CAMKMT: variants seen among roughly 807,000 people sequenced by gnomAD.
CAMKMT encodes the protein calmodulin-lysine N-methyltransferase.
Under a neutral mutation model 48.0 loss-of-function variants are expected in CAMKMT, and 53 were observed. The ratio of observed to expected loss-of-function variants is 1.10; its 90% confidence interval spans 0.89 to 1.39. The LOEUF (loss-of-function observed/expected upper bound fraction) is 1.39. CAMKMT is among the 40% of genes most tolerant of loss of function. CAMKMT has a pLI of 0.00. For missense variants in CAMKMT, 428 were observed against 402.7 expected (o/e 1.06, Z -0.54); for synonymous variants, 165 against 152.3 (o/e 1.08, Z -0.61).
intron 3 of CAMKMT, among the ~76,000 whole-genome samples, chr2:44,525,978 A>G (rs144079609): frequency 0.023 from 3,512 of 152,222 alleles, 149 homozygotes; most frequent in African/African-American, 0.081. Context: ...ATTTAGCATT[A>G]GGTATATCTC....
chr2:44,609,333 A>G (rs1379393857), intron 3 of CAMKMT, among the ~76,000 whole-genome samples: 1 of 152,236 alleles, frequency 6.6e-6, no homozygotes, highest in African/African-American at 2.4e-5. Context: ...TTTTTGAAAA[A>G]TGCAGAGTGG....
intron 3 of CAMKMT, among the ~76,000 whole-genome samples, chr2:44,454,465 A>G (rs1156715975): frequency 6.6e-6 from 1 of 152,078 alleles, no homozygotes; most frequent in Non-Finnish European, 1.5e-5. Flanking sequence ...ATTGTCAGAA[A>G]TCCCCCTCTA....
chr2:44,660,324 G>A (rs1674612564), intron 3 of CAMKMT, among the ~76,000 whole-genome samples: 1 of 152,156 alleles, frequency 6.6e-6, no homozygotes, highest in Non-Finnish European at 1.5e-5. Context: ...TATTATTATC[G>A]TTAAAATAGC....
chr2:44,759,215 C>T (rs1680508625), intron 9 of CAMKMT, among the ~76,000 whole-genome samples: 1 of 152,202 alleles, frequency 6.6e-6, no homozygotes, highest in Non-Finnish European at 1.5e-5. Flanking sequence ...CCACAAACTC[C>T]TGGACTCAGG....
At chr2:44,447,602 T>C (rs61482576) in intron 3 of CAMKMT, among the ~76,000 whole-genome samples, 2,731 of 152,348 alleles carry the variant, frequency 0.018, 86 homozygotes, top group African/African-American at 0.063. Context: ...ATGTGCAACC[T>C]GGGATCAGTA....
intron 3 of CAMKMT, among the ~76,000 whole-genome samples, chr2:44,635,741 G>C (rs887515593): frequency 6.6e-6 from 1 of 152,214 alleles, no homozygotes; most frequent in Admixed American, 6.5e-5. Flanking sequence ...GGGTTTTGTA[G>C]CTGGGGGTGC....
intron 3 of CAMKMT, among the ~76,000 whole-genome samples, chr2:44,407,306 G>C (rs559135193): frequency 7.7e-4 from 117 of 152,284 alleles, no homozygotes; most frequent in African/African-American, 2.7e-3. Flanking sequence ...GAAGTAGACT[G>C]TTAAGTTGGT....
chr2:44,657,479 A>G lies in CAMKMT; in HGVS notation c.377-46804A>G, dbSNP rs1042215789. On this transcript the variant is annotated intron_variant, in intron 3 of 10. Coordinates refer to ENST00000378494, the MANE Select transcript of CAMKMT (RefSeq NM_024766.5). The surrounding 1 kb of genome is among the most constrained non-coding windows in gnomAD (Gnocchi z 4.3). ...GATCAGAAATTTGGTTACATGTGCCATCAAGATATTTCTGGCCAAGGTCAT... is the reference window on the plus strand; with the variant it reads ...GATCAGAAATTTGGTTACATGTGCCGTCAAGATATTTCTGGCCAAGGTCAT... Among the ~76,000 whole-genome samples, 4 of 152,258 alleles carry G rather than the reference A, an allele frequency of 2.6e-5. No homozygotes were observed. The highest frequency in any genetic ancestry group is 9.6e-5 in the African/African-American group (4 of 41,472).
intron 10 of CAMKMT, among the ~76,000 whole-genome samples, chr2:44,768,324 G>A (rs1680932966): frequency 7.0e-6 from 1 of 142,784 alleles, no homozygotes; most frequent in Non-Finnish European, 1.5e-5. Context: ...TGGATAAAAG[G>A]TATAAACGGG....
At chr2:44,701,405 T>G (rs1677253410) in intron 3 of CAMKMT, among the ~76,000 whole-genome samples, 1 of 152,192 alleles carries the variant, frequency 6.6e-6, no homozygotes, top group African/African-American at 2.4e-5. Flanking sequence ...TTAGCAAAAA[T>G]TAGTTATGTT....
At chr2:44,561,898 C>G (rs766194376) in intron 3 of CAMKMT, among the ~76,000 whole-genome samples, 4 of 152,150 alleles carry the variant, frequency 2.6e-5, no homozygotes, top group Non-Finnish European at 5.9e-5. Flanking sequence ...AAGGAAATCA[C>G]TAGGCGATGG....
intron 3 of CAMKMT, among the ~76,000 whole-genome samples, chr2:44,425,589 T>C (rs1463758759): frequency 6.6e-6 from 1 of 152,210 alleles, no homozygotes; most frequent in African/African-American, 2.4e-5. Context: ...TATTTTTTTC[T>C]TTTTTGTAAC....
At chr2:44,524,976 A>C (rs79553165) in intron 3 of CAMKMT, among the ~76,000 whole-genome samples, 2 of 36,106 alleles carry the variant, frequency 5.5e-5, no homozygotes, top group South Asian at 1.2e-3. Flanking sequence ...AAAAAAAAAA[A>C]AAAAACTTAG....
At chr2:44,486,379 G>A (rs961247236) in intron 3 of CAMKMT, among the ~76,000 whole-genome samples, 1 of 152,212 alleles carries the variant, frequency 6.6e-6, no homozygotes, top group Non-Finnish European at 1.5e-5. Context: ...GGTAACAGAA[G>A]TTGTGTTTTG....
intron 3 of CAMKMT, among the ~76,000 whole-genome samples, chr2:44,587,274 A>G (rs1669909102): frequency 6.6e-6 from 1 of 152,226 alleles, no homozygotes; most frequent in South Asian, 2.1e-4. Flanking sequence ...ATCAATGGAC[A>G]TGGCAGATTT....
At chr2:44,690,746 TG>T (rs1676601814) in intron 3 of CAMKMT, among the ~76,000 whole-genome samples, 1 of 151,638 alleles carries the variant, frequency 6.6e-6, no homozygotes, top group South Asian at 2.1e-4. Context: ...GAGGCTGAGG[TG>T]GGTGGATTAC....
At position 44,644,449 on chromosome 2, in the gene CAMKMT, A is replaced by C. The variant is rs188906089; in HGVS notation, c.377-59834A>C. Reference sequence around the variant, plus strand: ...AAATTATCACGTTTTCAAGTTATGCATTTAACCTGTATTGACATATGGAAG... The same window carrying C: ...AAATTATCACGTTTTCAAGTTATGCCTTTAACCTGTATTGACATATGGAAG... On this transcript the variant is annotated intron_variant, in intron 3 of 10. Transcript: ENST00000378494. Among the ~76,000 whole-genome samples the C allele has an allele frequency of 7.9e-5, 12 of 152,332 alleles. No homozygotes were observed. The East Asian group carries it at 2.1e-3, about 27-fold the overall frequency.
intron 8 of CAMKMT, among the ~76,000 whole-genome samples, chr2:44,752,389 C>T (rs1483103403): frequency 1.3e-5 from 2 of 152,116 alleles, no homozygotes; most frequent in African/African-American, 4.8e-5. Flanking sequence ...CAGCCTCTAG[C>T]AGCTTTGCTT....
intron 9 of CAMKMT, among the ~76,000 whole-genome samples, chr2:44,757,925 A>G (rs764491684): frequency 5.9e-5 from 9 of 152,146 alleles, no homozygotes; most frequent in Non-Finnish European, 1.2e-4. Context: ...TGGGAGGGGA[A>G]GACATGATTT....
Sources: gnomAD v4.1 joint callset for allele counts (sites outside exome capture counted in the v4.1 genomes callset) on GRCh38, gnomAD v4.1.1 for gene constraint, Gnocchi (gnomAD v3.1) non-coding constraint, MANE v1.5 for transcripts, NCBI Gene and HGNC (gene_info 2026-07-23, HGNC 2026-07-21) for gene names.